NELL1: variants seen among roughly 807,000 people sequenced by gnomAD.
The protein encoded by NELL1 is neural EGFL like 1, also known as protein kinase C-binding protein NELL1.
In NELL1, 76 loss-of-function variants were observed where a neutral mutation model predicts 107.4. The ratio of observed to expected loss-of-function variants is 0.71; its 90% CI spans 0.59 to 0.86. The LOEUF (loss-of-function observed/expected upper bound fraction) is 0.86. Among genes scored for constraint, NELL1 ranks in the 40% least tolerant of loss-of-function variants. NELL1 has a pLI of 0.00. For synonymous variants in NELL1, 353 were observed against 341.2 expected (o/e 1.03, Z -0.38); for missense variants, 1,024 against 1,005.5 (o/e 1.02, Z -0.25).
chr11:21,531,223 T>C (rs1855983094), intron 15 of NELL1, among the ~76,000 whole-genome samples: 1 of 152,134 alleles, frequency 6.6e-6, no homozygotes, highest in Non-Finnish European at 1.5e-5. Flanking sequence ...TATGAGCTCC[T>C]GGATTTTTGG....
Position 21,527,655 on chromosome 11 carries a change from A to G in NELL1, c.1646-6719A>G, listed in dbSNP as rs111884780. Reference sequence around the variant, plus strand: ...AACTGAGGAGCCAAGAAGCCAGTCCAAGTCTCAAAACCTCAAAAGTAGGGA... The same window carrying G: ...AACTGAGGAGCCAAGAAGCCAGTCCGAGTCTCAAAACCTCAAAAGTAGGGA... On this transcript the variant is annotated intron_variant, in intron 15 of 19. Coordinates refer to ENST00000357134, the MANE Select transcript of NELL1 (RefSeq NM_006157.5). Among the ~76,000 whole-genome samples, 358 of 152,332 alleles carry G rather than the reference A, an allele frequency of 2.4e-3. 1 individual carries two copies. The highest frequency in any genetic ancestry group is 8.4e-3 in the African/African-American group (348 of 41,584).
At chr11:21,401,014 G>A (rs914358947) in intron 15 of NELL1, among the ~76,000 whole-genome samples, 1 of 151,912 alleles carries the variant, frequency 6.6e-6, no homozygotes, top group South Asian at 2.1e-4. Flanking sequence ...TTCACAGTAT[G>A]TATTTGAATG....
chr11:21,394,138 T>C (rs1165523264), intron 15 of NELL1, among the ~76,000 whole-genome samples: 1 of 151,594 alleles, frequency 6.6e-6, no homozygotes, highest in Non-Finnish European at 1.5e-5. Flanking sequence ...AGTTAACTCC[T>C]TTACTTCTTA....
At chr11:21,473,680 A>G (rs978347819) in intron 15 of NELL1, among the ~76,000 whole-genome samples, 5 of 152,158 alleles carry the variant, frequency 3.3e-5, no homozygotes, top group Admixed American at 3.3e-4. Context: ...AGGTAGGATC[A>G]AGCTATTGTG....
chr11:21,209,737 T>C (rs1857461429), intron 13 of NELL1, among the ~76,000 whole-genome samples: 1 of 152,132 alleles, frequency 6.6e-6, no homozygotes, highest in South Asian at 2.1e-4. Context: ...TGTTTCAAGG[T>C]TTCTTTTAAG....
intron 1 of NELL1, 27 bp from the exon 2 acceptor site, chr11:20,677,905 C>T (rs1854098936): frequency 1.2e-6 from 2 of 1,612,436 alleles, no homozygotes; most frequent in Non-Finnish European, 1.7e-6. Context: ...GCATTTTAAG[C>T]CCAAACAACT....
At chr11:21,269,904 A>G (rs893882555) in intron 14 of NELL1, among the ~76,000 whole-genome samples, 6 of 152,134 alleles carry the variant, frequency 3.9e-5, no homozygotes, top group African/African-American at 9.6e-5. Flanking sequence ...TGATACAGTG[A>G]TGGGAGAGAG....
At chr11:20,961,027 G>A (rs113458271) in intron 12 of NELL1, among the ~76,000 whole-genome samples, 90 of 152,148 alleles carry the variant, frequency 5.9e-4, no homozygotes, top group African/African-American at 1.6e-3. Flanking sequence ...GGGTTTCTTC[G>A]TGACTGGTTC....
intron 15 of NELL1, among the ~76,000 whole-genome samples, chr11:21,437,587 G>T (rs572385236): frequency 4.9e-4 from 75 of 152,250 alleles, no homozygotes; most frequent in African/African-American, 1.8e-3. Context: ...TCGAACTCCC[G>T]ACCTCAATTG....
chr11:21,455,011 G>A (rs1853689818), intron 15 of NELL1, among the ~76,000 whole-genome samples: 2 of 152,100 alleles, frequency 1.3e-5, no homozygotes, highest in Admixed American at 6.5e-5. Flanking sequence ...TAATCTTTTT[G>A]TCGTAGATCC....
chr11:21,335,306 A>G (rs560023384), intron 14 of NELL1, among the ~76,000 whole-genome samples: 119 of 152,170 alleles, frequency 7.8e-4, no homozygotes, highest in African/African-American at 2.8e-3. Context: ...TCCTTATGCA[A>G]TCAATTTGAC....
intron 12 of NELL1, among the ~76,000 whole-genome samples, chr11:21,012,006 T>G (rs142588831): frequency 6.6e-6 from 1 of 152,280 alleles, no homozygotes; most frequent in East Asian, 1.9e-4. Context: ...TGCCAACCAC[T>G]GCGCTAAGAG....
At chr11:21,055,182 G>GTA (rs1483078786) in intron 12 of NELL1, among the ~76,000 whole-genome samples, 2 of 151,924 alleles carry the variant, frequency 1.3e-5, no homozygotes, top group African/African-American at 4.8e-5. Flanking sequence ...AAAAAATTAT[G>GTA]TATACCTAAG....
At chr11:20,928,558 AACTGATTG>A in intron 9 of NELL1, 79 bp downstream of exon 9, 1 of 1,118,524 alleles carries the variant, frequency 8.9e-7, no homozygotes. Flanking sequence ...TTCTGGACTC[AACTGATTG>A]ACATTGATGA....
intron 18 of NELL1, 126 bp downstream of exon 18, chr11:21,571,066 C>G: frequency 1.3e-6 from 1 of 754,226 alleles, no homozygotes. Flanking sequence ...GGGCCTGTGG[C>G]TAAGGGTCAT....
intron 3 of NELL1, among the ~76,000 whole-genome samples, chr11:20,802,919 A>C (rs1216657719): frequency 6.6e-6 from 1 of 152,140 alleles, no homozygotes; most frequent in Non-Finnish European, 1.5e-5. Context: ...GATAAATTTC[A>C]TTTGGTCATG....
intron 15 of NELL1, among the ~76,000 whole-genome samples, chr11:21,378,286 T>TAGATAATC (rs1491121885): frequency 7.5e-5 from 9 of 119,478 alleles, no homozygotes; most frequent in Admixed American, 1.6e-4. Context: ...TATATATATA[T>TAGATAATC]TATAGATAAT....
chr11:21,440,933 C>T (rs1853266806), intron 15 of NELL1, among the ~76,000 whole-genome samples: 1 of 151,994 alleles, frequency 6.6e-6, no homozygotes, highest in African/African-American at 2.4e-5. Context: ...AGACTTTTAC[C>T]TCTAACAACT....
At chr11:20,735,294 C>G (rs1855735534) in intron 2 of NELL1, among the ~76,000 whole-genome samples, 1 of 152,118 alleles carries the variant, frequency 6.6e-6, no homozygotes, top group African/African-American at 2.4e-5. Context: ...CTACCCAAGA[C>G]TGGGTAATTT....
Sources: gnomAD v4.1 joint callset for allele counts (sites outside exome capture counted in the v4.1 genomes callset) on GRCh38, gnomAD v4.1.1 for gene constraint, MANE v1.5 for transcripts, NCBI Gene and HGNC (gene_info 2026-07-23, HGNC 2026-07-21) for gene names.